The following RIMS2 variants were observed in gnomAD, a reference collection of about 807,000 sequenced individuals.
The protein encoded by RIMS2 is regulating synaptic membrane exocytosis 2, also known as regulating synaptic membrane exocytosis protein 2.
In RIMS2, 59 loss-of-function variants were observed where a neutral mutation model predicts 174.4. The observed-to-expected ratio is 0.34, with a 90% CI of 0.27 to 0.42. The LOEUF is 0.42. RIMS2 is among the 10% of genes least tolerant of loss of function. RIMS2 has a pLI of 1.00. For missense variants in RIMS2, 1,620 were observed against 1,666.3 expected (o/e 0.97, Z 0.48); for synonymous variants, 606 against 572.5 (o/e 1.06, Z -0.84).
chr8:103,500,974 A>C (rs756683096), exon 1 of RIMS2: 33 of 1,611,026 alleles, frequency 2.0e-5, no homozygotes, highest in Middle Eastern at 1.8e-4. Context: ...GCCTGACCTC[A>C]GCCACCTCAC....
chr8:103,746,517 AG>A (rs1372203109), intron 2 of RIMS2, among the ~76,000 whole-genome samples: 1 of 152,058 alleles, frequency 6.6e-6, no homozygotes, highest in Non-Finnish European at 1.5e-5. Context: ...AATTTGTGTC[AG>A]GGGGGTTCAT....
intron 3 of RIMS2, among the ~76,000 whole-genome samples, chr8:103,813,412 C>CTTTCTTTA (rs542732882): frequency 1.3e-5 from 2 of 151,568 alleles, no homozygotes; most frequent in African/African-American, 4.9e-5. Context: ...TTCTTTCTTT[C>CTTTCTTTA]TTTATTATAC....
chr8:103,550,260 C>T (rs1847123078), intron 1 of RIMS2, among the ~76,000 whole-genome samples: 1 of 152,202 alleles, frequency 6.6e-6, no homozygotes, highest in Non-Finnish European at 1.5e-5. Flanking sequence ...AAGTGTCTCT[C>T]AGACCACAGT....
intron 19 of RIMS2, among the ~76,000 whole-genome samples, chr8:104,133,342 A>G (rs1047948143): frequency 2.0e-5 from 3 of 152,178 alleles, no homozygotes; most frequent in Non-Finnish European, 4.4e-5. Flanking sequence ...GTAGGACTCT[A>G]TTAGAGAAGA....
intron 19 of RIMS2, among the ~76,000 whole-genome samples, chr8:104,093,875 A>C (rs1352135193): frequency 6.6e-6 from 1 of 152,084 alleles, no homozygotes. Flanking sequence ...CATCACTGGA[A>C]ATAATATCTT....
intron 19 of RIMS2, among the ~76,000 whole-genome samples, chr8:104,229,796 T>G (rs2099214057): frequency 6.6e-6 from 1 of 152,138 alleles, no homozygotes; most frequent in Admixed American, 6.5e-5. Flanking sequence ...GAGATTTCAC[T>G]TACCCAGTTT....
intron 1 of RIMS2, among the ~76,000 whole-genome samples, chr8:103,574,477 A>AT (rs977043730): frequency 2.6e-5 from 4 of 152,120 alleles, no homozygotes; most frequent in Non-Finnish European, 4.4e-5. Context: ...ACTTGCTCTT[A>AT]TTTTTAGAGA....
At chr8:103,540,831 CAA>C (rs745377234) in intron 1 of RIMS2, among the ~76,000 whole-genome samples, 1 of 151,174 alleles carries the variant, frequency 6.6e-6, no homozygotes, top group Non-Finnish European at 1.5e-5. Flanking sequence ...AGCAAACAAA[CAA>C]AAAAGAAAAT....
chr8:103,793,032 A>T (rs1272146234), intron 3 of RIMS2, among the ~76,000 whole-genome samples: 1 of 152,212 alleles, frequency 6.6e-6, no homozygotes, highest in East Asian at 1.9e-4. Flanking sequence ...ATTCCTTCTG[A>T]AACTATTCCA....
intron 1 of RIMS2, among the ~76,000 whole-genome samples, chr8:103,512,652 A>G (rs1827103039): frequency 6.6e-6 from 1 of 152,082 alleles, no homozygotes; most frequent in Non-Finnish European, 1.5e-5. Flanking sequence ...GTAGAGAAGG[A>G]CAATCCTATC....
At chr8:103,839,723 T>G (rs1330916863) in intron 3 of RIMS2, among the ~76,000 whole-genome samples, 2 of 152,234 alleles carry the variant, frequency 1.3e-5, no homozygotes, top group Non-Finnish European at 2.9e-5. Flanking sequence ...CTTCTATTCC[T>G]ATTTCTGGAG....
chr8:104,103,942 C>A (rs1034511270), intron 19 of RIMS2, among the ~76,000 whole-genome samples: 1 of 152,094 alleles, frequency 6.6e-6, no homozygotes, highest in African/African-American at 2.4e-5. Flanking sequence ...GGCTAGGTAA[C>A]ATACATGGTC....
chr8:103,592,204 T>G (rs2094295755), intron 1 of RIMS2, among the ~76,000 whole-genome samples: 3 of 151,256 alleles, frequency 2.0e-5, no homozygotes. Flanking sequence ...ACAATTTTCT[T>G]TCTGTTATTT....
Position 104,251,588 on chromosome 8 carries a change from T to A in RIMS2, c.3832-14T>A. 6.8e-7 allele frequency: 1 copy of A among 1,468,164 alleles called. No individual in the cohort carries two copies. The highest frequency in any genetic ancestry group is 9.6e-7 in the Non-Finnish European group (1 of 1,047,076). 90.9% of individuals were successfully genotyped at this position (1,468,164 alleles called of 1,614,324 possible). On this transcript the variant is annotated splice_polypyrimidine_tract_variant and intron_variant, in intron 23 of 23. Transcript: ENST00000504942. The stretch of plus-strand genomic sequence containing the variant: ...GTTACACTGACATCACTCTACTTTT[T>A]ATTTTGCCAACAGATCATCGTCTGG...
chr8:104,074,392 T>C (rs1421719561), intron 19 of RIMS2, among the ~76,000 whole-genome samples: 2 of 152,166 alleles, frequency 1.3e-5, no homozygotes, highest in Non-Finnish European at 2.9e-5. Context: ...AGATGATGTA[T>C]ATAAATTGTT....
At chr8:104,221,220 A>T (rs2099153501) in intron 19 of RIMS2, among the ~76,000 whole-genome samples, 1 of 152,212 alleles carries the variant, frequency 6.6e-6, no homozygotes, top group South Asian at 2.1e-4. Flanking sequence ...CAAAAGTGAG[A>T]AACACATTTT....
intron 1 of RIMS2, among the ~76,000 whole-genome samples, chr8:103,511,167 G>A (rs536915448): frequency 6.6e-6 from 1 of 152,236 alleles, no homozygotes; most frequent in Admixed American, 6.5e-5. Context: ...TGGGTTTTAG[G>A]TGGAGGGACT....
intron 2 of RIMS2, among the ~76,000 whole-genome samples, chr8:103,710,729 T>G (rs1461877478): frequency 6.6e-6 from 1 of 152,214 alleles, no homozygotes; most frequent in Non-Finnish European, 1.5e-5. Flanking sequence ...GTTGTATTAT[T>G]TAACTTAAAA....
At chr8:104,051,615 G>T (rs552785226) in intron 19 of RIMS2, among the ~76,000 whole-genome samples, 3 of 152,128 alleles carry the variant, frequency 2.0e-5, no homozygotes, top group Admixed American at 6.5e-5. Flanking sequence ...TCAAAAGGAA[G>T]GAAAGATGCT....
Sources: gnomAD v4.1 joint callset for allele counts (sites outside exome capture counted in the v4.1 genomes callset) on GRCh38, gnomAD v4.1.1 for gene constraint, MANE v1.5 for transcripts, NCBI Gene and HGNC (gene_info 2026-07-23, HGNC 2026-07-21) for gene names.